Variants in ZNF195 observed in about 807,000 individuals in gnomAD.
ZNF195 encodes the protein zinc finger protein 195.
ZNF195 carries 11 observed loss-of-function variants against 19.5 expected under a neutral mutation model. That is an observed-to-expected ratio of 0.57 (90% CI 0.36 to 0.94). The LOEUF (loss-of-function observed/expected upper bound fraction) is 0.94, where lower values mean the gene tolerates loss of function less well. Ranked by LOEUF, ZNF195 falls within the 40% of genes least tolerant of loss-of-function variation. ZNF195 has a pLI of 0.01. For missense variants in ZNF195, 582 were observed against 709.0 expected (o/e 0.82, Z 2.03); for synonymous variants, 214 against 248.1 (o/e 0.86, Z 1.29).
Position 3,360,251 on chromosome 11 carries a change from A to G in ZNF195, c.757T>C (p.Phe253Leu). ...TCAGTTAGGAATGAGAGCATTTGAA[A>G]GGATTTGCCACATTCTTGACATTTG... is the stretch of plus-strand genomic sequence containing the variant. ...PFKCQECGKS[F>L]QMLSFLTEHQ... is the part of the protein sequence containing the mutation. Residue 253 changes from phenylalanine to leucine, a missense_variant, in exon 6 of 6, where the codon TTT becomes CTT. Phe to Leu is a conservative substitution (Grantham distance 22). Around this residue, in one of 3 missense-constraint regions of ZNF195, gnomAD observed 407 missense variants for 530.5 expected, o/e 0.77. Transcript: ENST00000399602. The G allele has an allele frequency of 6.2e-7, 1 of 1,613,958 alleles. No homozygotes were observed. Among genetic ancestry groups the G allele is most frequent in the Non-Finnish European group, 8.5e-7 (1 of 1,179,944 alleles).
intron 1 of ZNF195, among the ~76,000 whole-genome samples, chr11:3,378,679 CTT>C (rs747860256): frequency 3.0e-4 from 46 of 152,344 alleles, no homozygotes; most frequent in Admixed American, 1.6e-3. Context: ...AAATAAAACT[CTT>C]TCACATTTTT....
At position 3,373,475 on chromosome 11, in the gene ZNF195, T is replaced by A. The variant is rs749931350; in HGVS notation, c.4-1772A>T. 4.4e-6 allele frequency: 4 copies of A among 912,640 alleles called. No homozygotes were observed. The African/African-American group carries it at 6.6e-5, about 15-fold the overall frequency. The allele number at this position is 912,640 out of a possible 1,614,324, so 56.5% of individuals were successfully genotyped here. On this transcript the variant is annotated intron_variant, in intron 1 of 5. Transcript: ENST00000399602. ...AAAAGTAGTTGAAACAAACTTACTA[T>A]GGAGAAACACCACAAGTAGAGAAGT... is the stretch of plus-strand genomic sequence containing the variant.
chr11:3,360,651 C>T (rs1218340031), intron 5 of ZNF195, 69 bp downstream of exon 5: 5 of 1,556,470 alleles, frequency 3.2e-6, no homozygotes, highest in Non-Finnish European at 4.3e-6. Context: ...ATACTGGGTA[C>T]ATTAGCAAAA....
chr11:3,359,062 G>T lies in ZNF195; in HGVS notation c.*56C>A. 2.7e-6 allele frequency: 4 copies of T among 1,486,538 alleles called. No homozygotes were observed. Among genetic ancestry groups the T allele is most frequent in the Non-Finnish European group, 2.7e-6 (3 of 1,119,426 alleles). The allele number at this position is 1,486,538 out of a possible 1,614,324, so 92.1% of individuals were successfully genotyped here. ...TTAAGTCTGAACTCTGATGTAAAGT[G>T]GGATGCGAGCAGATACTAACGGCTT... On this transcript the variant is annotated 3_prime_UTR_variant, in exon 6 of 6. Transcript: ENST00000399602. This position sits in a 1 kb window ranked among gnomAD's most constrained non-coding sequence, Gnocchi z 5.5.
In ZNF195 at chr11:3,359,621, C is replaced by T; in HGVS notation, c.1387G>A (p.Glu463Lys). The T allele has an allele frequency of 1.2e-6, 2 of 1,614,144 alleles. No individual in the cohort carries two copies. The highest frequency in any genetic ancestry group is 1.7e-6 in the Non-Finnish European group (2 of 1,180,034). The change falls in exon 6 of 6, where the codon GAG (glutamate) becomes AAG (lysine). Residue 463 changes from glutamate (E) to lysine (K), a missense_variant. Glu to Lys is a moderately conservative substitution (Grantham distance 56, BLOSUM62 1). Coordinates refer to ENST00000399602, the MANE Select transcript of ZNF195 (RefSeq NM_001130520.3). The surrounding 1 kb of genome is among the most constrained non-coding windows in gnomAD (Gnocchi z 5.5). ...CATTCTTCACATTGGTAGGGTTTCT[C>T]TCCGGTGTGAATCCTCCTGTGTTCA... ...LSEHRRIHTG[E>K]KPYQCEECGK... is the part of the protein sequence containing the mutation.
At chr11:3,368,928 C>G (rs1849042017) in intron 3 of ZNF195, 1 of 446,542 alleles carries the variant, frequency 2.2e-6, no homozygotes, top group South Asian at 1.6e-5. Flanking sequence ...CAAAAATTAA[C>G]TTGAAATCAA....
At chr11:3,362,119 C>T (rs915325295) in intron 3 of ZNF195, 1 of 343,072 alleles carries the variant, frequency 2.9e-6, no homozygotes, top group Non-Finnish European at 5.9e-6. Context: ...TTGCTGAACA[C>T]AAAACTTCCA....
chr11:3,369,482 C>T (rs1235856351), intron 3 of ZNF195: 1 of 452,954 alleles, frequency 2.2e-6, no homozygotes, highest in Admixed American at 2.4e-5. Context: ...GATATAAAGA[C>T]AAGCTAAACG....
rs199595837 is a variant in ZNF195 at position 3,359,625 on chromosome 11, G to A, written c.1383C>T (p.Thr461=). ...CTTCACATTGGTAGGGTTTCTCTCC[G>A]GTGTGAATCCTCCTGTGTTCACTGA... ...SHLSEHRRIH[T]GEKPYQCEEC... is the part of the protein sequence containing the mutation. The change falls in exon 6 of 6, where the codon ACC becomes ACT. Residue 461 remains threonine, a synonymous_variant. Transcript: ENST00000399602. The surrounding 1 kb of genome is among the most constrained non-coding windows in gnomAD (Gnocchi z 5.5). The A allele has an allele frequency of 2.7e-4, 440 of 1,613,410 alleles. 1 individual carries two copies. Among genetic ancestry groups the A allele is most frequent in the Admixed American group, 6.7e-4 (40 of 59,962 alleles).
At chr11:3,362,752 G>A (rs1848693432) in intron 3 of ZNF195, 2 of 340,712 alleles carry the variant, frequency 5.9e-6, no homozygotes, top group Non-Finnish European at 1.1e-5. Flanking sequence ...TCAGTAAATT[G>A]CTTATTTAGG....
chr11:3,370,968 C>T lies in ZNF195; in HGVS notation c.226+7G>A. The T allele has an allele frequency of 1.2e-6, 2 of 1,613,806 alleles. No individual in the cohort carries two copies. The highest frequency in any genetic ancestry group is 1.7e-6 in the Non-Finnish European group (2 of 1,179,730). ...CTGGGTTACCTGCTTCGTTCATTCC[C>T]ACCCACCTGGATGTCCGTCTGCTGC... On this transcript the variant is annotated splice_region_variant and intron_variant, in intron 3 of 5. Transcript: ENST00000399602.
At chr11:3,365,190 G>A (rs1848813875) in intron 3 of ZNF195, among the ~76,000 whole-genome samples, 1 of 152,140 alleles carries the variant, frequency 6.6e-6, no homozygotes, top group Non-Finnish European at 1.5e-5. Context: ...GATGTACACA[G>A]CAATACAATA....
chr11:3,370,656 G>C (rs1369951146), intron 3 of ZNF195, among the ~76,000 whole-genome samples: 1 of 152,218 alleles, frequency 6.6e-6, no homozygotes, highest in Non-Finnish European at 1.5e-5. Flanking sequence ...CTCAAAAACA[G>C]GCAGGTACAG....
intron 1 of ZNF195, among the ~76,000 whole-genome samples, chr11:3,376,423 T>G (rs1229472399): frequency 1.3e-5 from 2 of 152,224 alleles, no homozygotes; most frequent in East Asian, 3.8e-4. Flanking sequence ...CAGGCCAGCA[T>G]GTGGCCCAGG....
intron 1 of ZNF195, among the ~76,000 whole-genome samples, chr11:3,374,325 C>T (rs1010302339): frequency 6.6e-6 from 1 of 152,176 alleles, no homozygotes; most frequent in African/African-American, 2.4e-5. Flanking sequence ...GACTTGTGAT[C>T]ATTAACACTC....
rs1177239872 is a variant in ZNF195, at chr11:3,359,215, C to A, written c.1793G>T (p.Arg598Ile). The change falls in exon 6 of 6, where the codon AGA (arginine) becomes ATA (isoleucine). Residue 598 changes from arginine to isoleucine, a missense_variant. By Grantham distance (97) the Arg-to-Ile change is moderately conservative. Around this residue, in one of 3 missense-constraint regions of ZNF195, gnomAD observed 407 missense variants for 530.5 expected, o/e 0.77. Coordinates refer to ENST00000399602, the MANE Select transcript of ZNF195 (RefSeq NM_001130520.3). This position sits in a 1 kb window ranked among gnomAD's most constrained non-coding sequence, Gnocchi z 5.5. ...GTAGGGTTTCTCTCCAGTATGAATT[C>A]TCTTATGTACAATAAGGTTTGAGGA... ...TQSSNLIVHK[R>I]IHTGEKPYKC... 2 of 1,613,972 alleles carry A rather than the reference C, an allele frequency of 1.2e-6. No individual in the cohort carries two copies. Among genetic ancestry groups the A allele is most frequent in the Admixed American group, 1.7e-5 (1 of 59,992 alleles).
chr11:3,374,724 C>T (rs954734930), intron 1 of ZNF195, among the ~76,000 whole-genome samples: 1 of 152,268 alleles, frequency 6.6e-6, no homozygotes, highest in Middle Eastern at 3.4e-3. Context: ...CTATCATTAA[C>T]GTTTTAAAAG....
In ZNF195 at chr11:3,371,247, T is replaced by A. The variant is rs538186222; in HGVS notation, c.131-177A>T. ...GTATTTTAAATCTGTGGGTTCTTAG[T>A]TTCACCACTCAGTACTGCTGACATA... is the stretch of plus-strand genomic sequence containing the variant. On this transcript the variant is annotated intron_variant, in intron 2 of 5. Transcript: ENST00000399602. The A allele has an allele frequency of 1.3e-5, 9 of 688,334 alleles. No homozygotes were observed. The South Asian group carries it at 2.0e-4, about 15-fold the overall frequency. 42.6% of individuals were successfully genotyped at this position (688,334 alleles called of 1,614,324 possible).
rs1848581181 is a variant in ZNF195, at chr11:3,360,534, C to A, written c.474G>T (p.Leu158=). The change falls in exon 6 of 6, where the codon CTG becomes CTT. Residue 158 remains leucine (L), a synonymous_variant. Transcript: ENST00000399602. ...AMSSHFTQDL[L]PEQGIQDAFP... is the part of the protein sequence containing the mutation. The stretch of plus-strand genomic sequence containing the variant: ...ATGCATCTTGTATGCCCTGCTCTGG[C>A]AGAAGGTCTTGGGTAAAATGAGAAG... 6 of 1,575,134 alleles carry A rather than the reference C, an allele frequency of 3.8e-6. No individual in the cohort carries two copies. Among genetic ancestry groups the A allele is most frequent in the African/African-American group, 2.9e-5 (2 of 68,700 alleles).
Sources: allele counts gnomAD v4.1 joint callset (sites outside exome capture counted in the v4.1 genomes callset), GRCh38; gene constraint gnomAD v4.1.1; regional missense constraint gnomAD v4.1.1; non-coding constraint Gnocchi (gnomAD v3.1); transcripts MANE v1.5; gene names NCBI Gene and HGNC (gene_info 2026-07-23, HGNC 2026-07-21).